Variants in CSTA observed in about 807,000 individuals in gnomAD.
CSTA encodes the protein cystatin-A.
Under a neutral mutation model 9.2 loss-of-function variants are expected in CSTA, and 9 were observed. That is an observed-to-expected ratio of 0.97 (90% CI 0.59 to 1.70). The LOEUF (loss-of-function observed/expected upper bound fraction) is 1.70. Ranked by LOEUF, CSTA falls within the 40% of genes most tolerant of loss-of-function variation. The probability of loss-of-function intolerance (pLI) is 0.00; values close to 1 mark genes in which losing one functional copy is unlikely to be tolerated. For missense variants in CSTA, 118 were observed against 113.1 expected (o/e 1.04, Z -0.20); for synonymous variants, 36 against 40.6 (o/e 0.89, Z 0.43).
At chr3:122,341,006 A>G (rs1349669107) in intron 2 of CSTA, among the ~76,000 whole-genome samples, 1 of 151,204 alleles carries the variant, frequency 6.6e-6, no homozygotes, top group Non-Finnish European at 1.5e-5. Flanking sequence ...CAGTGGCATG[A>G]TCTCGGCTCA....
At chr3:122,335,275 G>T (rs1444780627) in intron 1 of CSTA, among the ~76,000 whole-genome samples, 1 of 152,126 alleles carries the variant, frequency 6.6e-6, no homozygotes, top group Non-Finnish European at 1.5e-5. Flanking sequence ...TGGAACCTGT[G>T]ACTAGGTTCC....
At chr3:122,331,006 A>T (rs192499649) in intron 1 of CSTA, among the ~76,000 whole-genome samples, 2 of 152,124 alleles carry the variant, frequency 1.3e-5, no homozygotes, top group East Asian at 3.9e-4. Context: ...AAGCATTTTG[A>T]TGAGAATTGT....
At chr3:122,335,990 C>T (rs1264695021) in intron 1 of CSTA, among the ~76,000 whole-genome samples, 1 of 133,808 alleles carries the variant, frequency 7.5e-6, no homozygotes, top group Non-Finnish European at 1.7e-5. Flanking sequence ...CACACACACA[C>T]ACACACGTAC....
At chr3:122,334,794 G>T (rs1176438018) in intron 1 of CSTA, among the ~76,000 whole-genome samples, 1 of 152,192 alleles carries the variant, frequency 6.6e-6, no homozygotes, top group Non-Finnish European at 1.5e-5. Flanking sequence ...AATGGAAAAT[G>T]CTGAGCAGTC....
rs144160837 is a variant in CSTA, at chr3:122,339,843, C to T, written c.169-1596C>T. ...GCACTGTGAGCCAGGCCTCATTCCC[C>T]GATCAGTACCCCCCAAAAATGTTAC... On this transcript the variant is annotated intron_variant, in intron 2 of 2. Transcript: ENST00000264474. Among the ~76,000 whole-genome samples, 15 of 152,188 alleles carry T rather than the reference C, an allele frequency of 9.9e-5. No individual in the cohort carries two copies. In the East Asian group the frequency reaches 2.7e-3, roughly 27 times the overall value.
chr3:122,333,340 A>G (rs1576892217), intron 1 of CSTA, among the ~76,000 whole-genome samples: 1 of 152,042 alleles, frequency 6.6e-6, no homozygotes, highest in East Asian at 1.9e-4. Flanking sequence ...GTGAAACTCC[A>G]TCTCTCCAAA....
At chr3:122,330,461 G>A (rs955765450) in intron 1 of CSTA, among the ~76,000 whole-genome samples, 1 of 152,216 alleles carries the variant, frequency 6.6e-6, no homozygotes, top group African/African-American at 2.4e-5. Flanking sequence ...ATATCACAGT[G>A]AAAGAGGAAT....
chr3:122,328,453 T>C (rs2075182625), intron 1 of CSTA, among the ~76,000 whole-genome samples: 1 of 132,106 alleles, frequency 7.6e-6, no homozygotes, highest in African/African-American at 2.9e-5. Context: ...TGAGCCAAGA[T>C]CATGACATTG....
At chr3:122,337,821 A>AT (rs1336817334) in intron 2 of CSTA, 173 bp downstream of exon 2, 15 of 642,790 alleles carry the variant, frequency 2.3e-5, no homozygotes, top group Admixed American at 5.6e-5. Flanking sequence ...ATGTGACACC[A>AT]TTTTTTTTCT....
At chr3:122,331,490 A>C (rs2075204703) in intron 1 of CSTA, among the ~76,000 whole-genome samples, 1 of 152,000 alleles carries the variant, frequency 6.6e-6, no homozygotes, top group African/African-American at 2.4e-5. Flanking sequence ...GTAGCTTCAA[A>C]TACTCCTCCA....
chr3:122,337,091 G>A (rs1480838112), intron 1 of CSTA, among the ~76,000 whole-genome samples: 1 of 152,182 alleles, frequency 6.6e-6, no homozygotes, highest in Non-Finnish European at 1.5e-5. Flanking sequence ...ATTATACCAT[G>A]TTAATTTCCT....
chr3:122,339,851 A>G (rs1388767947), intron 2 of CSTA, among the ~76,000 whole-genome samples: 1 of 151,970 alleles, frequency 6.6e-6, no homozygotes, highest in African/African-American at 2.4e-5. Flanking sequence ...CCCGATCAGT[A>G]CCCCCCAAAA....
chr3:122,337,693 A>C, intron 2 of CSTA, 45 bp downstream of exon 2: 2 of 1,217,100 alleles, frequency 1.6e-6, no homozygotes, highest in Non-Finnish European at 2.4e-6. Flanking sequence ...TGTATTTCTC[A>C]TTTTATGTAA....
chr3:122,336,675 CACTT>C (rs2075238826), intron 1 of CSTA, among the ~76,000 whole-genome samples: 1 of 152,114 alleles, frequency 6.6e-6, no homozygotes, highest in South Asian at 2.1e-4. Context: ...CCTCACAAGA[CACTT>C]ACTAATTACA....
intron 1 of CSTA, among the ~76,000 whole-genome samples, chr3:122,337,311 A>G (rs1391584982): frequency 2.0e-5 from 3 of 152,224 alleles, no homozygotes; most frequent in Non-Finnish European, 4.4e-5. Context: ...AAACGCTCCT[A>G]TATTGCATTA....
At chr3:122,330,133 G>T (rs141271358) in intron 1 of CSTA, among the ~76,000 whole-genome samples, 272 of 152,306 alleles carry the variant, frequency 1.8e-3, no homozygotes, top group Non-Finnish European at 3.3e-3. Context: ...ATTACAGTTA[G>T]GTCCCCATGC....
intron 2 of CSTA, 96 bp from the exon 3 acceptor site, chr3:122,341,343 T>C: frequency 7.4e-7 from 1 of 1,357,138 alleles, no homozygotes; most frequent in East Asian, 2.3e-5. Context: ...AGCAGCTTTT[T>C]GGACAGAAGT....
intron 1 of CSTA, among the ~76,000 whole-genome samples, chr3:122,333,706 GAAAA>G (rs1438866193): frequency 1.5e-5 from 2 of 134,420 alleles, no homozygotes; most frequent in East Asian, 2.2e-4. Flanking sequence ...GAGAAAGAAA[GAAAA>G]AGAAAGAAAG....
chr3:122,328,783 A>G (rs2075185039), intron 1 of CSTA, among the ~76,000 whole-genome samples: 2 of 150,992 alleles, frequency 1.3e-5, no homozygotes, highest in East Asian at 2.0e-4. Context: ...TTCTACTAAA[A>G]CTAGAAAATT....
Sources: gnomAD v4.1 joint callset for allele counts (sites outside exome capture counted in the v4.1 genomes callset) on GRCh38, gnomAD v4.1.1 for gene constraint, MANE v1.5 for transcripts, NCBI Gene and HGNC (gene_info 2026-07-23, HGNC 2026-07-21) for gene names.